Variants in MAPK8 observed in about 807,000 individuals in gnomAD.
MAPK8 encodes the protein JUN N-terminal kinase.
In MAPK8, 13 loss-of-function variants were observed where a neutral mutation model predicts 52.9. The observed-to-expected ratio is 0.25, with a 90% CI of 0.16 to 0.39. MAPK8 has a LOEUF of 0.39. Among genes scored for constraint, MAPK8 ranks in the 10% least tolerant of loss-of-function variants. The pLI is 1.00. For synonymous variants in MAPK8, 191 were observed against 169.8 expected (o/e 1.12, Z -0.97); for missense variants, 300 against 519.2 (o/e 0.58, Z 4.10).
At chr10:48,396,701 C>T (rs79067246) in intron 1 of MAPK8, among the ~76,000 whole-genome samples, 1 of 152,174 alleles carries the variant, frequency 6.6e-6, no homozygotes, top group East Asian at 1.9e-4. Context: ...TACATTCATA[C>T]AATGAATAAT....
intron 1 of MAPK8, among the ~76,000 whole-genome samples, chr10:48,396,606 CTT>C (rs2041898868): frequency 6.6e-6 from 1 of 152,122 alleles, no homozygotes; most frequent in African/African-American, 2.4e-5. Context: ...GAATTGAAAA[CTT>C]ATATTCACAC....
At chr10:48,357,184 T>G (rs1271054335) in intron 1 of MAPK8, among the ~76,000 whole-genome samples, 1 of 152,190 alleles carries the variant, frequency 6.6e-6, no homozygotes, top group Non-Finnish European at 1.5e-5. Flanking sequence ...AAGCAGAGAA[T>G]ACACTGACAT....
intron 1 of MAPK8, among the ~76,000 whole-genome samples, chr10:48,320,043 A>T (rs1020181130): frequency 3.3e-5 from 5 of 150,672 alleles, no homozygotes; most frequent in Admixed American, 6.6e-5. Flanking sequence ...CAGCCTCCCC[A>T]GTAGTTGGGA....
intron 10 of MAPK8, 73 bp downstream of exon 10, chr10:48,427,216 G>A: frequency 8.8e-7 from 1 of 1,135,604 alleles, no homozygotes. Context: ...TTATTATCAT[G>A]TTAGAGAAAT....
intron 5 of MAPK8, among the ~76,000 whole-genome samples, chr10:48,419,208 A>G (rs200966643): frequency 2.1e-4 from 32 of 152,342 alleles, no homozygotes; most frequent in Admixed American, 1.4e-3. Flanking sequence ...TAACATTACA[A>G]AAGTAATACA....
At chr10:48,320,632 A>G (rs1169779891) in intron 1 of MAPK8, among the ~76,000 whole-genome samples, 3 of 152,110 alleles carry the variant, frequency 2.0e-5, no homozygotes, top group African/African-American at 7.2e-5. Context: ...TGGATTGTTT[A>G]CACTTTTTGG....
intron 1 of MAPK8, among the ~76,000 whole-genome samples, chr10:48,315,695 A>G (rs1246753907): frequency 6.8e-6 from 1 of 147,514 alleles, no homozygotes; most frequent in Non-Finnish European, 1.5e-5. Context: ...TATATTAGTT[A>G]ATATTTCATA....
intron 1 of MAPK8, among the ~76,000 whole-genome samples, chr10:48,380,670 T>C (rs902811209): frequency 6.6e-6 from 1 of 152,046 alleles, no homozygotes; most frequent in African/African-American, 2.4e-5. Context: ...GAGGAGGAGG[T>C]TGCAGTGAGC....
intron 1 of MAPK8, among the ~76,000 whole-genome samples, chr10:48,324,503 GT>G (rs370766776): frequency 5.7e-4 from 67 of 117,990 alleles, no homozygotes; most frequent in Non-Finnish European, 7.2e-4. Flanking sequence ...CTGTTTTCTA[GT>G]TTTTTTTTTT....
rs907571643 is a variant in MAPK8 at position 48,362,513 on chromosome 10, A to G, written c.-49-39099A>G. 3.0e-5 allele frequency among the ~76,000 whole-genome samples: 4 copies of G among 133,290 alleles called. No homozygotes were observed. In the Admixed American group the frequency reaches 3.5e-4, roughly 12 times the overall value. 87.4% of individuals were successfully genotyped at this position (133,290 alleles called of 152,430 possible). A position where few individuals can be genotyped will look rare whatever the true frequency, so the allele number is the denominator to read the frequency against. On this transcript the variant is annotated intron_variant, in intron 1 of 11. Transcript: ENST00000374189. Reference sequence around the variant, plus strand: ...TGTGAATTAATGGGGAACAAATACAAAGAAAAAAACCACATTTTCTTTTTA... The same window carrying G: ...TGTGAATTAATGGGGAACAAATACAGAGAAAAAAACCACATTTTCTTTTTA...
At chr10:48,366,978 G>T (rs1426931254) in intron 1 of MAPK8, among the ~76,000 whole-genome samples, 1 of 152,120 alleles carries the variant, frequency 6.6e-6, no homozygotes, top group Non-Finnish European at 1.5e-5. Flanking sequence ...TGAATGACTA[G>T]AAGGTGTTGG....
chr10:48,398,516 C>T (rs925496565), intron 1 of MAPK8, among the ~76,000 whole-genome samples: 3 of 152,162 alleles, frequency 2.0e-5, no homozygotes, highest in African/African-American at 7.2e-5. Context: ...AATGATATGG[C>T]CTCTTTGCAA....
At chr10:48,420,033 T>A in intron 5 of MAPK8, 122 bp from the exon 6 acceptor site, 1 of 699,532 alleles carries the variant, frequency 1.4e-6, no homozygotes, top group Middle Eastern at 4.2e-4. Context: ...TGCAGTAATA[T>A]TACAGTGAGA....
At chr10:48,346,060 A>C (rs900624357) in intron 1 of MAPK8, among the ~76,000 whole-genome samples, 4 of 152,124 alleles carry the variant, frequency 2.6e-5, no homozygotes, top group African/African-American at 9.7e-5. Context: ...CTGAACTCCC[A>C]CGTATGCTTA....
In MAPK8 at chr10:48,360,199, C is replaced by T. The variant is rs187433789; in HGVS notation, c.-49-41413C>T. Among the ~76,000 whole-genome samples, 8 of 152,020 alleles carry T rather than the reference C, an allele frequency of 5.3e-5. No homozygotes were observed. In the East Asian group the frequency reaches 1.2e-3, roughly 22 times the overall value. ...AAAAAAGAAGAAGGTGTAAAGAACT[C>T]GAACAGTTGAACTAGAAAGAGACTT... On this transcript the variant is annotated intron_variant, in intron 1 of 11. Transcript: ENST00000374189.
At chr10:48,312,876 TAAAG>T (rs1296953162) in intron 1 of MAPK8, among the ~76,000 whole-genome samples, 1 of 152,226 alleles carries the variant, frequency 6.6e-6, no homozygotes, top group African/African-American at 2.4e-5. Context: ...TTTAAAAAGA[TAAAG>T]AATCTCCTTT....
chr10:48,433,661 A>G (rs2044567546), intron 11 of MAPK8, among the ~76,000 whole-genome samples: 1 of 152,100 alleles, frequency 6.6e-6, no homozygotes, highest in African/African-American at 2.4e-5. Flanking sequence ...CCCTCCCTAA[A>G]GATTTTCCTA....
intron 1 of MAPK8, among the ~76,000 whole-genome samples, chr10:48,390,723 CCT>C (rs994938119): frequency 6.6e-6 from 1 of 152,128 alleles, no homozygotes; most frequent in African/African-American, 2.4e-5. Context: ...GTCATAAAAA[CCT>C]AATATAGCCG....
At chr10:48,363,142 G>A (rs1867577) in intron 1 of MAPK8, among the ~76,000 whole-genome samples, 46,236 of 152,000 alleles carry the variant, frequency 0.3, 8,254 homozygotes, top group Middle Eastern at 0.53. Flanking sequence ...TGAACTCTTG[G>A]CGTCTAGCCA....
Sources: gnomAD v4.1 joint callset for allele counts (sites outside exome capture counted in the v4.1 genomes callset) on GRCh38, gnomAD v4.1.1 for gene constraint, MANE v1.5 for transcripts, NCBI Gene and HGNC (gene_info 2026-07-23, HGNC 2026-07-21) for gene names.